CRYBG3: variants seen among roughly 807,000 people sequenced by gnomAD.
CRYBG3 encodes the protein crystallin beta-gamma domain containing 3.
In CRYBG3, 127 loss-of-function variants were observed where a neutral mutation model predicts 244.2. The ratio of observed to expected loss-of-function variants is 0.52; its 90% CI spans 0.45 to 0.60. The LOEUF (loss-of-function observed/expected upper bound fraction) is 0.60. Among genes scored for constraint, CRYBG3 ranks in the 20% least tolerant of loss-of-function variants. The pLI, the probability that CRYBG3 is intolerant of heterozygous loss-of-function variation, is 0.00. For missense variants in CRYBG3, 3,325 were observed against 3,442.5 expected (o/e 0.97, Z 0.85); for synonymous variants, 1,132 against 1,195.8 (o/e 0.95, Z 1.10).
intron 19 of CRYBG3, among the ~76,000 whole-genome samples, chr3:97,937,150 C>T (rs749915863): frequency 6.6e-6 from 1 of 152,084 alleles, no homozygotes; most frequent in Non-Finnish European, 1.5e-5. Flanking sequence ...TCGTGGAAAA[C>T]TAAGATACTG....
intron 1 of CRYBG3, among the ~76,000 whole-genome samples, chr3:97,827,332 C>G (rs2038591629): frequency 6.6e-6 from 1 of 152,126 alleles, no homozygotes; most frequent in African/African-American, 2.4e-5. Context: ...GGGTGGTACC[C>G]TCCCCAACCT....
chr3:97,862,358 C>G (rs2108201484), intron 2 of CRYBG3, among the ~76,000 whole-genome samples: 1 of 152,110 alleles, frequency 6.6e-6, no homozygotes, highest in African/African-American at 2.4e-5. Flanking sequence ...ATTTTTAAAG[C>G]ATTTTAAGGA....
At chr3:97,896,842 G>T (rs1054466926) in intron 12 of CRYBG3, among the ~76,000 whole-genome samples, 1 of 152,146 alleles carries the variant, frequency 6.6e-6, no homozygotes, top group African/African-American at 2.4e-5. Context: ...TATTAATAGT[G>T]CTGAGATTGA....
rs1232535193 is a variant in CRYBG3 at position 97,875,253 on chromosome 3, T to A, written c.4059T>A (p.Asp1353Glu). Reference sequence around the variant, plus strand: ...ACAGTGATAGTGTTAAGCCACATGATGTAGTTAGAGAGTTCTTGGTTTCAG... The same window carrying A: ...ACAGTGATAGTGTTAAGCCACATGAAGTAGTTAGAGAGTTCTTGGTTTCAG... ...ILNSDSVKPH[D>E]VVREFLVSEQ... is the part of the protein sequence containing the mutation. The change falls in exon 4 of 22, where the codon GAT becomes GAA. Residue 1353 changes from aspartate (D) to glutamate (E), a missense_variant. This residue lies in a region of CRYBG3 where 635 missense variants were observed against 771.7 expected (regional missense o/e 0.82). Coordinates refer to ENST00000389622, the MANE Select transcript of CRYBG3 (RefSeq NM_153605.4). The A allele has an allele frequency of 2.6e-6, 4 of 1,509,522 alleles. No homozygotes were observed. Among genetic ancestry groups the A allele is most frequent in the Non-Finnish European group, 8.8e-7 (1 of 1,136,974 alleles). 93.5% of individuals were successfully genotyped at this position (1,509,522 alleles called of 1,614,324 possible).
intron 17 of CRYBG3, among the ~76,000 whole-genome samples, chr3:97,919,921 A>G (rs571885167): frequency 4.3e-4 from 65 of 152,098 alleles, no homozygotes; most frequent in African/African-American, 1.5e-3. Flanking sequence ...GTGCACCACC[A>G]TGTCTGGCTA....
intron 15 of CRYBG3, among the ~76,000 whole-genome samples, chr3:97,906,797 T>A (rs943831706): frequency 6.6e-6 from 1 of 152,096 alleles, no homozygotes; most frequent in Non-Finnish European, 1.5e-5. Flanking sequence ...ATAGGAGTGG[T>A]GAGAGAGGGC....
chr3:97,927,777 T>C (rs1305712027), intron 17 of CRYBG3, among the ~76,000 whole-genome samples: 1 of 152,058 alleles, frequency 6.6e-6, no homozygotes, highest in Non-Finnish European at 1.5e-5. Flanking sequence ...AAAGAAGATA[T>C]GCATATGGCC....
At chr3:97,840,881 C>A (rs1195895557) in intron 1 of CRYBG3, among the ~76,000 whole-genome samples, 4 of 151,876 alleles carry the variant, frequency 2.6e-5, no homozygotes, top group Non-Finnish European at 5.9e-5. Context: ...ATAACATGAT[C>A]TTTTTACATG....
chr3:97,857,219 TGTG>T (rs1322838065), intron 2 of CRYBG3, among the ~76,000 whole-genome samples: 1 of 152,120 alleles, frequency 6.6e-6, no homozygotes, highest in East Asian at 1.9e-4. Context: ...GTTATTCCAT[TGTG>T]GTCAAAAAAA....
chr3:97,898,256 T>G (rs1048796357), intron 12 of CRYBG3, among the ~76,000 whole-genome samples: 12 of 152,024 alleles, frequency 7.9e-5, no homozygotes, highest in Admixed American at 7.9e-4. Flanking sequence ...TTTATCTAAT[T>G]GTTTTAGTTT....
At position 97,874,481 on chromosome 3, in the gene CRYBG3, G is replaced by T; in HGVS notation, c.3287G>T (p.Gly1096Val). ...GTTACCAAAGATCTCACACATGAAGGTACCTCTGTAACTAACCTGTTGTAC... is the reference window on the plus strand; with the variant it reads ...GTTACCAAAGATCTCACACATGAAGTTACCTCTGTAACTAACCTGTTGTAC... Reference protein sequence around the residue: ...IQVTKDLTHEGTSVTNLLYPT... With the variant: ...IQVTKDLTHEVTSVTNLLYPT... The change falls in exon 4 of 22, where the codon GGT becomes GTT. Residue 1096 changes from glycine (G) to valine (V), a missense_variant. Around this residue, in one of 4 missense-constraint regions of CRYBG3, gnomAD observed 1,526 missense variants for 1,443.2 expected, o/e 1.06. Transcript: ENST00000389622. 4.0e-5 allele frequency: 62 copies of T among 1,533,960 alleles called. No homozygotes were observed. The highest frequency in any genetic ancestry group is 5.3e-5 in the Non-Finnish European group (61 of 1,146,156).
chr3:97,910,753 G>A (rs150187206), intron 15 of CRYBG3, among the ~76,000 whole-genome samples: 31 of 152,276 alleles, frequency 2.0e-4, no homozygotes, highest in Middle Eastern at 3.4e-3. Flanking sequence ...GTTCCTATTC[G>A]GCCATCTTGG....
intron 15 of CRYBG3, among the ~76,000 whole-genome samples, chr3:97,904,608 G>A (rs1169581793): frequency 6.6e-6 from 1 of 151,846 alleles, no homozygotes; most frequent in Non-Finnish European, 1.5e-5. Flanking sequence ...AAACAAACTG[G>A]GAATGTAGTT....
At chr3:97,883,798 T>C (rs977721814) in intron 7 of CRYBG3, among the ~76,000 whole-genome samples, 1 of 152,216 alleles carries the variant, frequency 6.6e-6, no homozygotes, top group Non-Finnish European at 1.5e-5. Flanking sequence ...CTGCTTCCTT[T>C]TTCCAACGTT....
intron 1 of CRYBG3, among the ~76,000 whole-genome samples, chr3:97,825,506 A>G (rs751512363): frequency 6.6e-6 from 1 of 152,214 alleles, no homozygotes. Flanking sequence ...GTCCACTTTT[A>G]CGATCTGACA....
intron 15 of CRYBG3, among the ~76,000 whole-genome samples, chr3:97,911,515 A>C (rs1253827345): frequency 1.3e-5 from 2 of 152,244 alleles, no homozygotes; most frequent in African/African-American, 4.8e-5. Context: ...CATTTAAGGT[A>C]TTCTTATCAG....
At chr3:97,934,161 T>A (rs1317875100) in intron 18 of CRYBG3, among the ~76,000 whole-genome samples, 2 of 152,084 alleles carry the variant, frequency 1.3e-5, no homozygotes, top group African/African-American at 2.4e-5. Context: ...TCTAGAGCAG[T>A]TCCTCCAGGG....
intron 1 of CRYBG3, among the ~76,000 whole-genome samples, chr3:97,830,607 C>G (rs1446333790): frequency 6.6e-6 from 1 of 152,108 alleles, no homozygotes; most frequent in Non-Finnish European, 1.5e-5. Context: ...TTTATAGACT[C>G]AAAATTACTT....
intron 17 of CRYBG3, among the ~76,000 whole-genome samples, chr3:97,927,769 A>G (rs1421551725): frequency 2.0e-5 from 3 of 152,172 alleles, no homozygotes; most frequent in Non-Finnish European, 4.4e-5. Context: ...ACTTCTCAAA[A>G]GAAGATATGC....
Sources: gnomAD v4.1 joint callset for allele counts (sites outside exome capture counted in the v4.1 genomes callset) on GRCh38, gnomAD v4.1.1 for gene constraint, gnomAD v4.1.1 regional missense constraint, MANE v1.5 for transcripts, NCBI Gene and HGNC (gene_info 2026-07-23, HGNC 2026-07-21) for gene names.